The following LONP2 variants were observed in gnomAD, a reference collection of about 807,000 sequenced individuals.
LONP2 encodes the protein lon peptidase 2, peroxisomal, also known as lon protease homolog 2, peroxisomal.
A neutral mutation model predicts 85.6 loss-of-function variants in LONP2; 60 were observed. The ratio of observed to expected loss-of-function variants is 0.70; its 90% CI spans 0.57 to 0.87. The LOEUF (loss-of-function observed/expected upper bound fraction) is 0.87, where lower values mean the gene tolerates loss of function less well. Among genes scored for constraint, LONP2 ranks in the 40% least tolerant of loss-of-function variants. The pLI, the probability that LONP2 is intolerant of heterozygous loss-of-function variation, is 0.00. For synonymous variants in LONP2, 395 were observed against 389.7 expected (o/e 1.01, Z -0.16); for missense variants, 860 against 1,063.5 (o/e 0.81, Z 2.66).
intron 12 of LONP2, among the ~76,000 whole-genome samples, chr16:48,347,110 T>A (rs1959989592): frequency 6.6e-6 from 1 of 152,152 alleles, no homozygotes; most frequent in South Asian, 2.1e-4. Context: ...GCTGAAATTG[T>A]GTCACTGTAC....
chr16:48,296,297 T>C, intron 9 of LONP2, 132 bp downstream of exon 9: 3 of 997,322 alleles, frequency 3.0e-6, no homozygotes, highest in Non-Finnish European at 4.3e-6. Context: ...CTGAGGAATG[T>C]ATATAAATCA....
chr16:48,307,448 G>A (rs1465115500), intron 11 of LONP2, among the ~76,000 whole-genome samples: 1 of 152,076 alleles, frequency 6.6e-6, no homozygotes, highest in Non-Finnish European at 1.5e-5. Flanking sequence ...CAGGGTAAAT[G>A]TTCATTTGTT....
chr16:48,301,811 T>G (rs1972811421), intron 10 of LONP2, among the ~76,000 whole-genome samples: 1 of 152,216 alleles, frequency 6.6e-6, no homozygotes, highest in Admixed American at 6.5e-5. Flanking sequence ...GTACAGCCCT[T>G]CTGACATTAA....
rs1020459751 is a variant in LONP2 at position 48,356,842 on chromosome 16, T to C, written c.*5040T>C. 5.2e-6 allele frequency: 1 copy of C among 191,358 alleles called. No homozygotes were observed. Among genetic ancestry groups the C allele is most frequent in the Non-Finnish European group, 1.1e-5 (1 of 89,506 alleles). 11.9% of individuals were successfully genotyped at this position (191,358 alleles called of 1,614,324 possible). On this transcript the variant is annotated 3_prime_UTR_variant, in exon 15 of 15. Coordinates refer to ENST00000285737, the MANE Select transcript of LONP2 (RefSeq NM_031490.5). ...TGTACTTAATGACACTGTCAGCACATTTCTAGGCAATACAAACTCTTGAGG... is the reference window on the plus strand; with the variant it reads ...TGTACTTAATGACACTGTCAGCACACTTCTAGGCAATACAAACTCTTGAGG...
At chr16:48,312,010 G>T (rs1238296743) in intron 11 of LONP2, among the ~76,000 whole-genome samples, 1 of 151,606 alleles carries the variant, frequency 6.6e-6, no homozygotes, top group Non-Finnish European at 1.5e-5. Context: ...GCACGATCTC[G>T]GCTCACTGCA....
chr16:48,361,770 T>A, downstream of LONP2: 1 of 1,614,078 alleles, frequency 6.2e-7, no homozygotes, highest in Non-Finnish European at 8.5e-7. Flanking sequence ...GTAAGCAAAA[T>A]TTTCAGCTTG....
intron 11 of LONP2, among the ~76,000 whole-genome samples, chr16:48,307,459 T>C (rs1259481063): frequency 1.3e-5 from 2 of 152,236 alleles, no homozygotes; most frequent in Non-Finnish European, 2.9e-5. Context: ...TTCATTTGTT[T>C]AAGTACCCAT....
At chr16:48,336,365 A>C (rs1228178679) in intron 12 of LONP2, 1 of 456,106 alleles carries the variant, frequency 2.2e-6, no homozygotes, top group African/African-American at 2.0e-5. Flanking sequence ...CTGCAGAAAG[A>C]CTCCAGTAGC....
At chr16:48,339,861 GC>G (rs1169494719) in intron 12 of LONP2, among the ~76,000 whole-genome samples, 1 of 152,246 alleles carries the variant, frequency 6.6e-6, no homozygotes, top group African/African-American at 2.4e-5. Context: ...ATGGGAATGT[GC>G]TGGAGTTCAT....
intron 8 of LONP2, among the ~76,000 whole-genome samples, chr16:48,284,925 A>G (rs1285634956): frequency 2.6e-5 from 4 of 152,168 alleles, no homozygotes; most frequent in African/African-American, 7.2e-5. Context: ...ATATATTTAC[A>G]CTGCCTTTTA....
At chr16:48,345,362 T>C (rs1959929275) in intron 12 of LONP2, 1 of 152,254 alleles carries the variant, frequency 6.6e-6, no homozygotes, top group Admixed American at 6.5e-5. Context: ...TTGTACCAAA[T>C]GACTTTTTGT....
chr16:48,255,693 G>C (rs1364481078), intron 2 of LONP2, among the ~76,000 whole-genome samples: 3 of 151,606 alleles, frequency 2.0e-5, no homozygotes, highest in Non-Finnish European at 4.4e-5. Flanking sequence ...GAATTATGGG[G>C]GCGGTTCCCC....
intron 11 of LONP2, among the ~76,000 whole-genome samples, chr16:48,307,056 G>A (rs1972925483): frequency 6.6e-6 from 1 of 152,146 alleles, no homozygotes; most frequent in Non-Finnish European, 1.5e-5. Context: ...TCTGGAATAG[G>A]CCCAGAAGCA....
At chr16:48,268,470 C>G (rs1398484947) in intron 6 of LONP2, among the ~76,000 whole-genome samples, 1 of 152,104 alleles carries the variant, frequency 6.6e-6, no homozygotes. Flanking sequence ...CATTGATGAC[C>G]TAACACTGAA....
rs749228537 is a variant in LONP2, at chr16:48,244,424, C to T, written c.36C>T (p.Arg12=). 1.9e-6 allele frequency: 3 copies of T among 1,583,846 alleles called. No homozygotes were observed. The highest frequency in any genetic ancestry group is 2.3e-5 in the South Asian group (2 of 88,246). Residue 12 remains arginine (R), a synonymous_variant, in exon 1 of 15, where the codon CGC becomes CGT. Coordinates refer to ENST00000285737, the MANE Select transcript of LONP2 (RefSeq NM_031490.5). The part of the protein sequence containing the change: ...SSVSPIQIPS[R]LPLLLTHEGV... The stretch of plus-strand genomic sequence containing the variant: ...TGAGCCCCATCCAGATCCCCAGTCG[C>T]CTCCCGCTGCTGCTCACCCACGAGG...
intron 11 of LONP2, among the ~76,000 whole-genome samples, chr16:48,323,623 A>C (rs1395082174): frequency 6.6e-6 from 1 of 150,892 alleles, no homozygotes; most frequent in Non-Finnish European, 1.5e-5. Flanking sequence ...GTGCCACTGC[A>C]CTCCAGCCTG....
chr16:48,299,869 T>C, intron 10 of LONP2, 81 bp downstream of exon 10: 5 of 1,406,412 alleles, frequency 3.6e-6, no homozygotes, highest in Non-Finnish European at 4.8e-6. Context: ...ACATAGAGTA[T>C]CAATATTTGA....
At position 48,354,027 on chromosome 16, in the gene LONP2, G is replaced by A. The variant is rs1811807612; in HGVS notation, c.*2225G>A. On this transcript the variant is annotated 3_prime_UTR_variant, in exon 15 of 15. Transcript: ENST00000285737. ...TTTTTTTTAATTCCAGGGGTGGGAGGTTGGTTGGTTGAAGTCTAAGCTCTT... is the reference window on the plus strand; with the variant it reads ...TTTTTTTTAATTCCAGGGGTGGGAGATTGGTTGGTTGAAGTCTAAGCTCTT... 1 of 133,080 alleles carries A rather than the reference G, an allele frequency of 7.5e-6. No individual in the cohort carries two copies. The highest frequency in any genetic ancestry group is 1.5e-5 in the Non-Finnish European group (1 of 64,736). The allele number at this position is 133,080 out of a possible 1,614,324, so 8.2% of individuals were successfully genotyped here.
intron 6 of LONP2, among the ~76,000 whole-genome samples, chr16:48,267,817 T>C (rs145023044): frequency 0.014 from 2,084 of 150,346 alleles, 48 homozygotes; most frequent in African/African-American, 0.048. Context: ...GGTTTCACCA[T>C]GTTGGCCAGG....
Sources: allele counts gnomAD v4.1 joint callset (sites outside exome capture counted in the v4.1 genomes callset), GRCh38; gene constraint gnomAD v4.1.1; transcripts MANE v1.5; gene names NCBI Gene and HGNC (gene_info 2026-07-23, HGNC 2026-07-21).